The following WASHC2C variants were observed in gnomAD, a reference collection of about 807,000 sequenced individuals.
WASHC2C encodes the protein Vaccinia Penetration Factor.
A neutral mutation model predicts 142.2 loss-of-function variants in WASHC2C; 73 were observed. The ratio of observed to expected loss-of-function variants is 0.51; its 90% CI spans 0.43 to 0.62. The LOEUF (loss-of-function observed/expected upper bound fraction) is 0.62, where lower values mean the gene tolerates loss of function less well. Ranked by LOEUF, WASHC2C falls within the 20% of genes least tolerant of loss-of-function variation. The pLI is 0.00. For missense variants in WASHC2C, 969 were observed against 1,531.7 expected (o/e 0.63, Z 6.13); for synonymous variants, 337 against 565.5 (o/e 0.60, Z 5.73).
chr10:45,727,228 C>G (rs1026317396), upstream of WASHC2C: 9 of 1,516,250 alleles, frequency 5.9e-6, no homozygotes, highest in African/African-American at 8.4e-5. Flanking sequence ...GGTCACGCCC[C>G]GGGCAGCTTG....
intron 3 of WASHC2C, among the ~76,000 whole-genome samples, chr10:45,734,820 A>G (rs2051023732): frequency 6.6e-6 from 1 of 152,016 alleles, no homozygotes; most frequent in African/African-American, 2.4e-5. Flanking sequence ...TCCTGGGCTC[A>G]AGCCATCCTC....
intron 18 of WASHC2C, 68 bp from the exon 19 acceptor site, chr10:45,765,611 A>G: frequency 6.3e-7 from 1 of 1,597,794 alleles, no homozygotes; most frequent in South Asian, 1.1e-5. Context: ...TTAAAGTTTG[A>G]TATAGGAGGA....
intron 17 of WASHC2C, among the ~76,000 whole-genome samples, chr10:45,761,978 A>C (rs1443844474): frequency 1.3e-5 from 2 of 151,836 alleles, no homozygotes; most frequent in Middle Eastern, 3.4e-3. Context: ...CATTAGGTCT[A>C]TATTTAGGAG....
chr10:45,732,042 C>A (rs191467803), intron 3 of WASHC2C, among the ~76,000 whole-genome samples: 2,389 of 152,000 alleles, frequency 0.016, 73 homozygotes, highest in African/African-American at 0.054. Flanking sequence ...ATGATCCACC[C>A]GCCTTGGCCT....
intron 19 of WASHC2C, among the ~76,000 whole-genome samples, chr10:45,766,249 A>T (rs1321759939): frequency 6.6e-6 from 1 of 152,410 alleles, no homozygotes; most frequent in East Asian, 1.9e-4. Context: ...CAGTCTGATG[A>T]AGAAGCGGAC....
chr10:45,735,629 G>T (rs2051133624), intron 3 of WASHC2C, among the ~76,000 whole-genome samples: 1 of 152,156 alleles, frequency 6.6e-6, no homozygotes, highest in African/African-American at 2.4e-5. Context: ...TTATAAATTT[G>T]GTATTTGTGA....
intron 27 of WASHC2C, 87 bp downstream of exon 27, chr10:45,786,761 A>G (rs1487334565): frequency 2.4e-5 from 39 of 1,608,256 alleles, no homozygotes; most frequent in East Asian, 1.8e-4. Context: ...CTGCTGCCAA[A>G]CATCTTCTCA....
intron 21 of WASHC2C, among the ~76,000 whole-genome samples, chr10:45,776,089 C>T (rs1329612548): frequency 6.6e-6 from 1 of 152,182 alleles, no homozygotes; most frequent in Non-Finnish European, 1.5e-5. Context: ...TTATGCCTTC[C>T]AGTGTTCTTT....
At chr10:45,743,360 T>C in intron 5 of WASHC2C, 30 bp from the exon 6 acceptor site, 16 of 1,612,012 alleles carry the variant, frequency 9.9e-6, no homozygotes, top group Non-Finnish European at 1.2e-5. Flanking sequence ...ACTGAAATGT[T>C]TGACAGCCTA....
chr10:45,751,970 C>A (rs1351845297), intron 11 of WASHC2C, among the ~76,000 whole-genome samples: 1 of 152,160 alleles, frequency 6.6e-6, no homozygotes, highest in Non-Finnish European at 1.5e-5. Context: ...GTGCGAGACT[C>A]CATCCCAAAA....
chr10:45,742,236 T>C (rs1208171848), intron 5 of WASHC2C, among the ~76,000 whole-genome samples: 1 of 152,280 alleles, frequency 6.6e-6, no homozygotes, highest in African/African-American at 2.4e-5. Flanking sequence ...TTTACCAACT[T>C]CACTTTTCTA....
rs782130395 is a variant in WASHC2C, at chr10:45,739,607, G to GTATT, written c.355-465_355-464insATTT. 1.6e-3 allele frequency among the ~76,000 whole-genome samples: 234 copies of GTATT among 142,870 alleles called. 1 individual carries two copies. Among genetic ancestry groups the GTATT allele is most frequent in the African/African-American group, 4.9e-3 (193 of 39,110 alleles). The allele number at this position is 142,870 out of a possible 152,430, so 93.7% of individuals were successfully genotyped here. On this transcript the variant is annotated intron_variant, in intron 4 of 30. Transcript: ENST00000623400. ...TTTATAAAATAATTGTAATTGTCCA[G>GTATT]TTTTTTTTTTTTTTGTCTCTTTAAA...
intron 23 of WASHC2C, among the ~76,000 whole-genome samples, chr10:45,783,945 T>C (rs1554888717): frequency 6.6e-6 from 1 of 152,018 alleles, no homozygotes; most frequent in Non-Finnish European, 1.5e-5. Flanking sequence ...TGGACAGCCA[T>C]AGGAAGGCTT....
chr10:45,775,149 A>T (rs2056940686), intron 21 of WASHC2C, among the ~76,000 whole-genome samples: 1 of 142,462 alleles, frequency 7.0e-6, no homozygotes, highest in Non-Finnish European at 1.5e-5. Context: ...ATTTTAGACA[A>T]TTTTTTTTTC....
intron 3 of WASHC2C, among the ~76,000 whole-genome samples, chr10:45,733,187 G>T (rs1338495176): frequency 6.6e-6 from 1 of 152,136 alleles, no homozygotes; most frequent in African/African-American, 2.4e-5. Flanking sequence ...ACATTCTTTA[G>T]TAGACTTCTT....
intron 8 of WASHC2C, among the ~76,000 whole-genome samples, chr10:45,748,966 GA>G (rs1554872618): frequency 6.6e-6 from 1 of 152,172 alleles, no homozygotes; most frequent in Non-Finnish European, 1.5e-5. Context: ...AGTGTTTGCA[GA>G]GGGGGCGGGG....
intron 17 of WASHC2C, among the ~76,000 whole-genome samples, chr10:45,760,057 C>T (rs1448105247): frequency 1.0e-4 from 15 of 148,804 alleles, no homozygotes; most frequent in African/African-American, 3.0e-4. Context: ...CTAACTAGAC[C>T]GTGGCTTAAT....
chr10:45,738,954 G>C (rs2051631849), intron 4 of WASHC2C, among the ~76,000 whole-genome samples: 1 of 152,182 alleles, frequency 6.6e-6, no homozygotes, highest in African/African-American at 2.4e-5. Context: ...TGATCCGCCA[G>C]CCTTGGCCTC....
chr10:45,744,472 C>T (rs1315929075), intron 6 of WASHC2C, among the ~76,000 whole-genome samples: 15 of 142,798 alleles, frequency 1.1e-4, no homozygotes, highest in Non-Finnish European at 1.7e-4. Flanking sequence ...TTCTGTGGTC[C>T]GGGACTCAAT....
Sources: allele counts gnomAD v4.1 joint callset (sites outside exome capture counted in the v4.1 genomes callset), GRCh38; gene constraint gnomAD v4.1.1; transcripts MANE v1.5; gene names NCBI Gene and HGNC (gene_info 2026-07-23, HGNC 2026-07-21).